The following PWWP2A variants were observed in gnomAD, a reference collection of about 807,000 sequenced individuals.
PWWP2A encodes the protein PWWP domain-containing protein 2A.
A neutral mutation model predicts 48.5 loss-of-function variants in PWWP2A; 18 were observed. That is an observed-to-expected ratio of 0.37 (90% CI 0.26 to 0.55). PWWP2A has a LOEUF of 0.55. Among genes scored for constraint, PWWP2A ranks in the 20% least tolerant of loss-of-function variants. PWWP2A has a pLI of 0.81. For missense variants in PWWP2A, 867 were observed against 976.4 expected (o/e 0.89, Z 1.49); for synonymous variants, 396 against 387.7 (o/e 1.02, Z -0.25).
chr5:160,098,702 A>G (rs561401598), intron 1 of PWWP2A, among the ~76,000 whole-genome samples: 6 of 152,356 alleles, frequency 3.9e-5, no homozygotes, highest in Non-Finnish European at 7.4e-5. Flanking sequence ...CTAACCTATG[A>G]AACTATAAAC....
the PWWP2A span, among the ~76,000 whole-genome samples, chr5:160,054,075 T>TTTTG: frequency 6.9e-3 from 1,053 of 152,026 alleles, 17 homozygotes; most frequent in African/African-American, 0.024. Flanking sequence ...GGTTGGTTGT[T>TTTTG]TTTGTTTGTT....
At chr5:160,101,542 A>C (rs891245894) in intron 1 of PWWP2A, among the ~76,000 whole-genome samples, 1 of 152,144 alleles carries the variant, frequency 6.6e-6, no homozygotes, top group Admixed American at 6.5e-5. Context: ...TTGTTTAAAA[A>C]CTATTGAATT....
At chr5:160,110,059 C>T (rs1757402053) in intron 1 of PWWP2A, among the ~76,000 whole-genome samples, 1 of 150,184 alleles carries the variant, frequency 6.7e-6, no homozygotes, top group African/African-American at 2.4e-5. Context: ...CTTGCTCTGT[C>T]ACCCAGGTTG....
chr5:160,066,295 C>CTTTTTTT lies in PWWP2A; in HGVS notation c.*236+252_*236+253insAAAAAAA, dbSNP rs748083955. Among the ~76,000 whole-genome samples the CTTTTTTT allele has an allele frequency of 7.4e-4, 43 of 57,984 alleles. 2 individuals are homozygous for CTTTTTTT. The highest frequency in any genetic ancestry group is 2.0e-3 in the African/African-American group (35 of 17,898). 38.0% of individuals were successfully genotyped at this position (57,984 alleles called of 152,430 possible). A position where few individuals can be genotyped will look rare whatever the true frequency, so the allele number is the denominator to read the frequency against. On this transcript the variant is annotated intron_variant and NMD_transcript_variant, in intron 4 of 5. Coordinates refer to the PWWP2A transcript ENST00000524050. Reference sequence around the variant, plus strand: ...CAGCATTATGCTAGAAAGTGGTTCTCATTTTTTTTTTTTTTTTTTTGAGGG... The same window carrying CTTTTTTT: ...CAGCATTATGCTAGAAAGTGGTTCTCTTTTTTTATTTTTTTTTTTTTTTTTTTGAGGG...
chr5:160,109,428 A>G (rs1041028170), intron 1 of PWWP2A, among the ~76,000 whole-genome samples: 6 of 152,020 alleles, frequency 3.9e-5, no homozygotes, highest in Admixed American at 1.3e-4. Flanking sequence ...TTCTGCAAGA[A>G]GATTTTTAAG....
chr5:160,087,282 AG>A (rs2113500358), downstream of PWWP2A, among the ~76,000 whole-genome samples: 1 of 150,280 alleles, frequency 6.7e-6, no homozygotes, highest in South Asian at 2.1e-4. Flanking sequence ...TGGTAGGGGC[AG>A]GGGGCTTGAG....
At chr5:160,049,670 C>A in the PWWP2A span, 3 of 1,555,302 alleles carry the variant, frequency 1.9e-6, no homozygotes, top group Non-Finnish European at 2.6e-6. Flanking sequence ...ATGGTAAAAC[C>A]TAAAATTTTA....
chr5:160,114,175 G>A lies in PWWP2A; in HGVS notation c.584+4630C>T, dbSNP rs562840935. Among the ~76,000 whole-genome samples, 28 of 152,320 alleles carry A rather than the reference G, an allele frequency of 1.8e-4. No homozygotes were observed. In the South Asian group the frequency reaches 3.7e-3, roughly 20 times the overall value. Reference sequence around the variant, plus strand: ...AGAGTCTAAAGTATCTTGGCTGAGTGCAGTGGCTCACACCTGTAATCCCAA... The same window carrying A: ...AGAGTCTAAAGTATCTTGGCTGAGTACAGTGGCTCACACCTGTAATCCCAA... On this transcript the variant is annotated intron_variant, in intron 1 of 1. Transcript: ENST00000307063.
chr5:160,095,486 T>C (rs1231808653), intron 1 of PWWP2A, among the ~76,000 whole-genome samples: 1 of 152,140 alleles, frequency 6.6e-6, no homozygotes, highest in Admixed American at 6.6e-5. Flanking sequence ...GTTGACTATA[T>C]GCACTATTTG....
chr5:160,079,903 A>C (rs1754109236), intron 3 of PWWP2A, among the ~76,000 whole-genome samples: 1 of 152,234 alleles, frequency 6.6e-6, no homozygotes, highest in African/African-American at 2.4e-5. Flanking sequence ...GCTTCCATGC[A>C]ACTATACAGT....
In PWWP2A at chr5:160,066,296, A is replaced by ATTTTTTTTTTTTTTTTTTTTTTTTT. The variant is rs59262456; in HGVS notation, c.*236+251_*236+252insAAAAAAAAAAAAAAAAAAAAAAAAA. On this transcript the variant is annotated intron_variant and NMD_transcript_variant, in intron 4 of 5. Coordinates refer to the PWWP2A transcript ENST00000524050. ...AGCATTATGCTAGAAAGTGGTTCTC[A>ATTTTTTTTTTTTTTTTTTTTTTTTT]TTTTTTTTTTTTTTTTTTTGAGGGG... 2.0e-4 allele frequency among the ~76,000 whole-genome samples: 19 copies of ATTTTTTTTTTTTTTTTTTTTTTTTT among 94,782 alleles called. 5 individuals are homozygous for ATTTTTTTTTTTTTTTTTTTTTTTTT. Among genetic ancestry groups the ATTTTTTTTTTTTTTTTTTTTTTTTT allele is most frequent in the African/African-American group, 6.9e-4 (17 of 24,624 alleles). The allele number at this position is 94,782 out of a possible 152,430, so 62.2% of individuals were successfully genotyped here.
intron 3 of PWWP2A, among the ~76,000 whole-genome samples, chr5:160,079,570 A>G (rs1754083293): frequency 6.6e-6 from 1 of 152,250 alleles, no homozygotes; most frequent in Admixed American, 6.5e-5. Flanking sequence ...TTGGAAGCAA[A>G]TGTTCCCATT....
Position 160,078,167 on chromosome 5 carries a change from T to A in PWWP2A, c.1671A>T (p.Ala557=), listed in dbSNP as rs1013883795. 1 of 1,554,870 alleles carries A rather than the reference T, an allele frequency of 6.4e-7. No homozygotes were observed. Among genetic ancestry groups the A allele is most frequent in the African/African-American group, 1.4e-5 (1 of 73,380 alleles). The stretch of plus-strand genomic sequence containing the variant: ...AACCAGCAGCCTGCTAATGTCTTTG[T>A]GCTGAAATATAGTAAAGAAAAGGAA... Residue 557 remains alanine, a splice_region_variant and synonymous_variant, in exon 4 of 4, where the codon GCA becomes GCT. Transcript: ENST00000456329. The surrounding 1 kb of genome is among the most constrained non-coding windows in gnomAD (Gnocchi z 4.2).
chr5:160,045,204 C>T, the PWWP2A span, among the ~76,000 whole-genome samples: 22 of 152,210 alleles, frequency 1.4e-4, no homozygotes, highest in Non-Finnish European at 2.4e-4. Flanking sequence ...AGAAATAGTT[C>T]ATTTCCATAT....
chr5:160,110,196 A>G (rs1301763020), intron 1 of PWWP2A, among the ~76,000 whole-genome samples: 2 of 151,144 alleles, frequency 1.3e-5, no homozygotes, highest in Non-Finnish European at 2.9e-5. Flanking sequence ...AATTTTTTTA[A>G]TTTTTATAGC....
chr5:160,094,904 C>T (rs116167629), intron 1 of PWWP2A, among the ~76,000 whole-genome samples: 8,500 of 151,362 alleles, frequency 0.056, 296 homozygotes, highest in Non-Finnish European at 0.082. Context: ...AAAGATTCGC[C>T]GGGCATGGTG....
intron 2 of PWWP2A, among the ~76,000 whole-genome samples, chr5:160,084,098 T>G (rs1754440785): frequency 6.6e-6 from 1 of 152,242 alleles, no homozygotes; most frequent in Admixed American, 6.5e-5. Flanking sequence ...CTACCAGAAT[T>G]TACCGTGCAA....
intron 1 of PWWP2A, among the ~76,000 whole-genome samples, chr5:160,117,366 T>C (rs1758242724): frequency 6.6e-6 from 1 of 150,968 alleles, no homozygotes; most frequent in Non-Finnish European, 1.5e-5. Context: ...TTAAAAAAGA[T>C]ACTTGAGGCC....
At chr5:160,082,434 A>C in intron 2 of PWWP2A, among the ~76,000 whole-genome samples, 2 of 123,298 alleles carry the variant, frequency 1.6e-5, no homozygotes. Flanking sequence ...ACAGAGCGAG[A>C]CTCCGTCTCA....
Sources: gnomAD v4.1 joint callset for allele counts (sites outside exome capture counted in the v4.1 genomes callset) on GRCh38, gnomAD v4.1.1 for gene constraint, Gnocchi (gnomAD v3.1) non-coding constraint, MANE v1.5 for transcripts, NCBI Gene and HGNC (gene_info 2026-07-23, HGNC 2026-07-21) for gene names.